Variants in IFT88 observed in about 807,000 individuals in gnomAD.
The protein encoded by IFT88 is intraflagellar transport protein 88 homolog.
IFT88 carries 74 observed loss-of-function variants against 119.5 expected under a neutral mutation model. The ratio of observed to expected loss-of-function variants is 0.62; its 90% confidence interval spans 0.51 to 0.75. The LOEUF is 0.75. Ranked by LOEUF, IFT88 falls within the 30% of genes least tolerant of loss-of-function variation. The probability of loss-of-function intolerance (pLI) is 0.00; values close to 1 mark genes in which losing one functional copy is unlikely to be tolerated. For synonymous variants in IFT88, 279 were observed against 316.7 expected (o/e 0.88, Z 1.26); for missense variants, 961 against 977.7 (o/e 0.98, Z 0.23).
chr13:20,601,357 C>G (rs2042565299), intron 11 of IFT88, among the ~76,000 whole-genome samples: 1 of 74,700 alleles, frequency 1.3e-5, no homozygotes, highest in African/African-American at 4.8e-5. Context: ...CAGAGAGAGA[C>G]CCTGTCTGAA....
chr13:20,662,036 ATGT>A (rs771488311), intron 22 of IFT88, among the ~76,000 whole-genome samples: 1 of 152,196 alleles, frequency 6.6e-6, no homozygotes, highest in Non-Finnish European at 1.5e-5. Context: ...GAATGCAATG[ATGT>A]TGTTGGTGGA....
rs2052050602 is a variant in IFT88, at chr13:20,653,026, G to C, written c.1950-850G>C. Among the ~76,000 whole-genome samples, 4 of 152,338 alleles carry C rather than the reference G, an allele frequency of 2.6e-5. No homozygotes were observed. The South Asian group carries it at 8.3e-4, about 32-fold the overall frequency. ...AAGATCTAGAAAGTAGATAAACTGG[G>C]TTAGAATCTTGGATTTAGCATGTAG... On this transcript the variant is annotated intron_variant, in intron 20 of 25. Coordinates refer to ENST00000351808, the MANE Select transcript of IFT88 (RefSeq NM_006531.5).
At chr13:20,592,476 A>ATTT in intron 7 of IFT88, 72 bp downstream of exon 7, 6 of 1,045,146 alleles carry the variant, frequency 5.7e-6, no homozygotes, top group South Asian at 3.4e-5. Context: ...CAAATACACA[A>ATTT]TTTTTTTTTT....
intron 3 of IFT88, among the ~76,000 whole-genome samples, chr13:20,586,986 G>T (rs575528041): frequency 6.6e-6 from 1 of 151,388 alleles, no homozygotes; most frequent in African/African-American, 2.4e-5. Context: ...TTTCTTCTTT[G>T]ACCTGTGGGT....
intron 12 of IFT88, 71 bp downstream of exon 12, chr13:20,602,004 A>G: frequency 3.6e-6 from 3 of 839,852 alleles, no homozygotes; most frequent in South Asian, 3.4e-5. Context: ...AGAATGAGAA[A>G]GCCAGAATAG....
At chr13:20,670,419 C>T (rs542282565) in intron 23 of IFT88, among the ~76,000 whole-genome samples, 6 of 151,300 alleles carry the variant, frequency 4.0e-5, no homozygotes, top group Non-Finnish European at 8.8e-5. Flanking sequence ...GCTTTGAAGG[C>T]GAGTCTGTAT....
At chr13:20,686,405 A>G (rs1016298246) in intron 24 of IFT88, among the ~76,000 whole-genome samples, 1 of 152,206 alleles carries the variant, frequency 6.6e-6, no homozygotes, top group Non-Finnish European at 1.5e-5. Flanking sequence ...GTGAATGCTT[A>G]AGGTAAAAGT....
At chr13:20,647,411 T>G (rs966984881) in intron 20 of IFT88, among the ~76,000 whole-genome samples, 1 of 152,222 alleles carries the variant, frequency 6.6e-6, no homozygotes, top group South Asian at 2.1e-4. Flanking sequence ...TCTTTACATA[T>G]TCTTTAAATA....
rs2042261778 is a variant in IFT88, at chr13:20,599,507, G to A, written c.754G>A (p.Ala252Thr). 6 of 1,561,106 alleles carry A rather than the reference G, an allele frequency of 3.8e-6. No individual in the cohort carries two copies. The highest frequency in any genetic ancestry group is 5.3e-6 in the Non-Finnish European group (6 of 1,141,820). The stretch of plus-strand genomic sequence containing the variant: ...TTTAAAGCAAAGAAATTATTCCAAA[G>A]CCATTAAATTCTACCGAATGGCATT... ...IYLKQRNYSK[A>T]IKFYRMALDQ... is the part of the protein sequence containing the mutation. The change falls in exon 11 of 26, where the codon GCC (alanine) becomes ACC (threonine). Residue 252 changes from alanine (A) to threonine (T), a missense_variant. Coordinates refer to ENST00000351808, the MANE Select transcript of IFT88 (RefSeq NM_006531.5).
At position 20,597,548 on chromosome 13, in the gene IFT88, T is replaced by C. The variant is rs554429123; in HGVS notation, c.594+429T>C. Among the ~76,000 whole-genome samples the C allele has an allele frequency of 1.4e-4, 21 of 152,076 alleles. No homozygotes were observed. The South Asian group carries it at 2.7e-3, about 20-fold the overall frequency. On this transcript the variant is annotated intron_variant, in intron 9 of 25. Transcript: ENST00000351808. ...TCACAAGGTCAGGAAATCGAGACCA[T>C]CCTGGCTAACATGGTGAAACCCCAT...
intron 23 of IFT88, among the ~76,000 whole-genome samples, chr13:20,664,827 C>T (rs758564650): frequency 1.2e-4 from 18 of 152,056 alleles, no homozygotes; most frequent in Non-Finnish European, 1.0e-4. Flanking sequence ...CGCCTATAAT[C>T]CCAGCACTTT....
intron 14 of IFT88, among the ~76,000 whole-genome samples, chr13:20,617,099 A>T (rs1182271355): frequency 6.6e-6 from 1 of 152,082 alleles, no homozygotes; most frequent in Non-Finnish European, 1.5e-5. Context: ...GCCCGCCACC[A>T]AGCCCAGCTA....
chr13:20,651,336 T>G (rs1327929896), intron 20 of IFT88, among the ~76,000 whole-genome samples: 3 of 150,924 alleles, frequency 2.0e-5, no homozygotes, highest in Non-Finnish European at 4.4e-5. Flanking sequence ...TTCTTTAATT[T>G]ATTTCAACAA....
chr13:20,620,008 G>T (rs1011217510), intron 14 of IFT88, among the ~76,000 whole-genome samples: 1 of 152,044 alleles, frequency 6.6e-6, no homozygotes, highest in African/African-American at 2.4e-5. Context: ...AGAAGTGCCC[G>T]TTCAAGACTT....
intron 20 of IFT88, among the ~76,000 whole-genome samples, chr13:20,652,836 G>C (rs1000783205): frequency 6.6e-6 from 1 of 152,162 alleles, no homozygotes; most frequent in Admixed American, 6.5e-5. Flanking sequence ...CATTAGCAGA[G>C]AGTAAAGAGG....
intron 20 of IFT88, among the ~76,000 whole-genome samples, chr13:20,652,138 C>T (rs887053021): frequency 7.9e-5 from 12 of 152,034 alleles, no homozygotes; most frequent in African/African-American, 2.9e-4. Flanking sequence ...TTTTGGAGAT[C>T]GTGGTGATGG....
chr13:20,655,485 TATCC>T (rs1257339225), intron 21 of IFT88, among the ~76,000 whole-genome samples: 9 of 145,122 alleles, frequency 6.2e-5, no homozygotes, highest in Admixed American at 2.8e-4. Context: ...TTTATTTATT[TATCC>T]ATTCATTCAT....
intron 2 of IFT88, among the ~76,000 whole-genome samples, chr13:20,579,737 C>G (rs558105822): frequency 2.6e-5 from 4 of 152,316 alleles, no homozygotes; most frequent in Admixed American, 6.5e-5. Context: ...TTTGTAGCCA[C>G]CACAGCTGTG....
intron 13 of IFT88, among the ~76,000 whole-genome samples, chr13:20,610,674 A>G (rs2044331926): frequency 6.9e-6 from 1 of 144,260 alleles, no homozygotes; most frequent in South Asian, 2.1e-4. Flanking sequence ...AAAATCAGAC[A>G]GTACCAAAAA....
Sources: allele counts gnomAD v4.1 joint callset (sites outside exome capture counted in the v4.1 genomes callset), GRCh38; gene constraint gnomAD v4.1.1; transcripts MANE v1.5; gene names NCBI Gene and HGNC (gene_info 2026-07-23, HGNC 2026-07-21).